SMPX: variants seen among roughly 807,000 people sequenced by gnomAD.
SMPX encodes small muscle protein X-linked, also known as small muscular protein.
A neutral mutation model predicts 6.3 loss-of-function variants in SMPX; 2 were observed. That is an observed-to-expected ratio of 0.32 (90% CI 0.13 to 0.99). The LOEUF (loss-of-function observed/expected upper bound fraction) is 0.99, where lower values mean the gene tolerates loss of function less well. SMPX is among the 50% of genes least tolerant of loss of function. SMPX has a pLI of 0.49. For missense variants in SMPX, 60 were observed against 66.8 expected, an observed-to-expected ratio of 0.90 and a Z score of 0.36; for synonymous variants, 32 against 24.7, an observed-to-expected ratio of 1.30 and a Z score of -0.88.
intron 4 of SMPX, among the ~76,000 whole-genome samples, chrX:21,729,842 G>A (rs772403171): frequency 1.8e-5 from 2 of 111,797 alleles, no homozygotes; most frequent in African/African-American, 6.5e-5. Flanking sequence ...ACTGTTGAGA[G>A]GCTCTTAAAG....
intron 4 of SMPX, among the ~76,000 whole-genome samples, chrX:21,719,316 C>T (rs975930803): frequency 2.7e-5 from 3 of 111,005 alleles, no homozygotes; most frequent in East Asian, 2.8e-4. Flanking sequence ...GCCAGGAGTT[C>T]GAGACCAGCA....
intron 1 of SMPX, among the ~76,000 whole-genome samples, chrX:21,756,826 T>C (rs2092833519): frequency 1.8e-5 from 2 of 112,767 alleles, no homozygotes; most frequent in Admixed American, 1.9e-4. Flanking sequence ...CGTCTCCTGG[T>C]TCTGGCTACA....
chrX:21,747,188 T>C (rs1191557927), intron 2 of SMPX, among the ~76,000 whole-genome samples: 1 of 111,970 alleles, frequency 8.9e-6, no homozygotes, highest in Non-Finnish European at 1.9e-5. Context: ...TCTATATAAA[T>C]GCAAAGGAAG....
intron 3 of SMPX, among the ~76,000 whole-genome samples, chrX:21,741,310 G>A (rs2092815804): frequency 8.9e-6 from 1 of 112,324 alleles, no homozygotes; most frequent in East Asian, 2.8e-4. Flanking sequence ...TCTCTATACA[G>A]TAATTATCCT....
chrX:21,731,482 T>TGTGTGTATGTGTACACATACACATA (rs1569306507), intron 4 of SMPX, among the ~76,000 whole-genome samples: 758 of 56,226 alleles, frequency 0.013, 167 homozygotes, highest in African/African-American at 0.042. Flanking sequence ...ACATACACAT[T>TGTGTGTATGTGTACACATACACATA]ATGTGTGTAT....
In SMPX at chrX:21,749,761, T is replaced by C. The variant is rs150492047; in HGVS notation, c.45+4485A>G. On this transcript the variant is annotated intron_variant, in intron 2 of 4. Transcript: ENST00000379494. ...TAAACTGAAACTATTATTGTCATCC[T>C]GATAATAAACCTTACAAGATATTCT... is the stretch of plus-strand genomic sequence containing the variant. Among the ~76,000 whole-genome samples the C allele has an allele frequency of 2.4e-3, 273 of 112,253 alleles. 2 individuals carry two copies. Among genetic ancestry groups the C allele is most frequent in the African/African-American group, 8.6e-3 (265 of 30,920 alleles).
chrX:21,714,581 C>T (rs1358607461), intron 4 of SMPX, among the ~76,000 whole-genome samples: 5 of 111,892 alleles, frequency 4.5e-5, no homozygotes, highest in Non-Finnish European at 7.5e-5. Context: ...CTGGGAATTT[C>T]TCCATTTATT....
intron 4 of SMPX, among the ~76,000 whole-genome samples, chrX:21,715,004 G>C (rs1248110822): frequency 1.8e-5 from 2 of 110,928 alleles, no homozygotes; most frequent in Non-Finnish European, 1.9e-5. Flanking sequence ...GGATGATTTT[G>C]ATGGCTCTTC....
intron 1 of SMPX, among the ~76,000 whole-genome samples, chrX:21,756,296 C>G (rs1347324979): frequency 2.7e-5 from 3 of 112,122 alleles, no homozygotes; most frequent in Non-Finnish European, 5.6e-5. Context: ...GATTGTTATA[C>G]TGTATTTTTT....
At chrX:21,734,766 T>A (rs763738366) in intron 4 of SMPX, among the ~76,000 whole-genome samples, 5 of 111,510 alleles carry the variant, frequency 4.5e-5, no homozygotes, top group Non-Finnish European at 7.5e-5. Flanking sequence ...AACGGGGTAG[T>A]CACTGGCCTT....
chrX:21,713,626 A>C (rs2092781097), intron 4 of SMPX, among the ~76,000 whole-genome samples: 1 of 111,250 alleles, frequency 9.0e-6, no homozygotes. Flanking sequence ...ATTCACTATC[A>C]CGAGAACAAC....
At chrX:21,711,448 A>G (rs1030998325) in intron 4 of SMPX, among the ~76,000 whole-genome samples, 7 of 111,843 alleles carry the variant, frequency 6.3e-5, no homozygotes, top group African/African-American at 2.3e-4. Flanking sequence ...AACCAGCTGA[A>G]AAGTCATTCT....
chrX:21,750,086 C>G (rs1450605601), intron 2 of SMPX, among the ~76,000 whole-genome samples: 4 of 111,847 alleles, frequency 3.6e-5, no homozygotes, highest in African/African-American at 1.3e-4. Flanking sequence ...TGGGTGTGTT[C>G]AGGAGAAAGA....
chrX:21,727,988 G>A (rs982247721), intron 4 of SMPX, among the ~76,000 whole-genome samples: 28 of 111,719 alleles, frequency 2.5e-4, no homozygotes, highest in African/African-American at 8.1e-4. Flanking sequence ...GGGAATGAGC[G>A]AAAAGGCTTC....
intron 4 of SMPX, among the ~76,000 whole-genome samples, chrX:21,709,566 G>C (rs1216059252): frequency 8.9e-6 from 1 of 112,185 alleles, no homozygotes; most frequent in Non-Finnish European, 1.9e-5. Context: ...AATAGGAAAA[G>C]AACTGGAGTT....
At chrX:21,755,238 C>A (rs971824276) in intron 1 of SMPX, among the ~76,000 whole-genome samples, 1 of 112,413 alleles carries the variant, frequency 8.9e-6, no homozygotes, top group Admixed American at 9.4e-5. Context: ...TCATTGAATT[C>A]AAAACATGCT....
chrX:21,742,572 G>A (rs1188904153), intron 3 of SMPX, among the ~76,000 whole-genome samples: 1 of 111,619 alleles, frequency 9.0e-6, no homozygotes, highest in Non-Finnish European at 1.9e-5. Flanking sequence ...GGTAGGGCCA[G>A]GTTTTTCCAA....
At chrX:21,734,850 AATCTGAAATCCCAC>A (rs1345958021) in intron 4 of SMPX, among the ~76,000 whole-genome samples, 2 of 111,835 alleles carry the variant, frequency 1.8e-5, no homozygotes, top group African/African-American at 6.5e-5. Flanking sequence ...GCATGGAAAG[AATCTGAAATCCCAC>A]ATAAAAGGAG....
At chrX:21,722,700 G>A (rs1039569054) in intron 4 of SMPX, among the ~76,000 whole-genome samples, 4 of 110,860 alleles carry the variant, frequency 3.6e-5, no homozygotes, top group Admixed American at 9.6e-5. Context: ...TCATTTCACC[G>A]CCATGGACCT....
Sources: gnomAD v4.1 joint callset for allele counts (sites outside exome capture counted in the v4.1 genomes callset) on GRCh38, gnomAD v4.1.1 for gene constraint, MANE v1.5 for transcripts, NCBI Gene and HGNC (gene_info 2026-07-23, HGNC 2026-07-21) for gene names.